Variants in CDH8 observed in about 807,000 individuals in gnomAD.
CDH8 encodes the protein cadherin 8.
CDH8 carries 17 observed loss-of-function variants against 68.1 expected under a neutral mutation model. The observed-to-expected ratio is 0.25, with a 90% confidence interval of 0.17 to 0.37. The LOEUF is 0.37. Ranked by LOEUF, CDH8 falls within the 10% of genes least tolerant of loss-of-function variation. CDH8 has a pLI of 1.00. For synonymous variants in CDH8, 372 were observed against 365.1 expected, an observed-to-expected ratio of 1.02 and a Z score of -0.21; for missense variants, 763 against 999.3, an observed-to-expected ratio of 0.76 and a Z score of 3.19.
intron 2 of CDH8, among the ~76,000 whole-genome samples, chr16:61,924,960 A>T (rs1360998258): frequency 1.3e-5 from 2 of 152,190 alleles, no homozygotes; most frequent in African/African-American, 2.4e-5. Flanking sequence ...TAATGTAAAT[A>T]TCAACCAGGT....
intron 3 of CDH8, among the ~76,000 whole-genome samples, chr16:61,868,679 T>C (rs1963301037): frequency 6.6e-6 from 1 of 152,104 alleles, no homozygotes; most frequent in African/African-American, 2.4e-5. Context: ...TGCCACTTTT[T>C]GGGGTCATGT....
At chr16:61,992,689 A>C (rs2150590651) in intron 2 of CDH8, among the ~76,000 whole-genome samples, 1 of 152,340 alleles carries the variant, frequency 6.6e-6, no homozygotes, top group African/African-American at 2.4e-5. Flanking sequence ...TTTACTAAAT[A>C]TCTTCTCAGG....
intron 3 of CDH8, among the ~76,000 whole-genome samples, chr16:61,900,134 T>C (rs1377404852): frequency 6.6e-6 from 1 of 152,008 alleles, no homozygotes; most frequent in Non-Finnish European, 1.5e-5. Context: ...ATCATATTTC[T>C]TTTTTTTATT....
chr16:61,676,359 T>C (rs1963910561), intron 10 of CDH8, among the ~76,000 whole-genome samples: 1 of 151,802 alleles, frequency 6.6e-6, no homozygotes, highest in Admixed American at 6.6e-5. Context: ...TGAATATTAG[T>C]GATAAAGAGG....
chr16:61,830,237 C>T (rs1858946728), intron 4 of CDH8, among the ~76,000 whole-genome samples: 1 of 151,628 alleles, frequency 6.6e-6, no homozygotes, highest in Non-Finnish European at 1.5e-5. Context: ...GAGATAACTC[C>T]CCTATTTTAA....
chr16:61,986,372 T>C (rs1965628657), intron 2 of CDH8, among the ~76,000 whole-genome samples: 1 of 152,202 alleles, frequency 6.6e-6, no homozygotes, highest in Admixed American at 6.5e-5. Context: ...TCCTTTTTTT[T>C]CTCTTTTGAT....
intron 2 of CDH8, among the ~76,000 whole-genome samples, chr16:62,000,335 T>C (rs1965874682): frequency 6.6e-6 from 1 of 152,150 alleles, no homozygotes; most frequent in African/African-American, 2.4e-5. Context: ...GATTGCTGGG[T>C]CAAATGGTAT....
At chr16:61,686,233 C>G (rs371421560) in intron 10 of CDH8, among the ~76,000 whole-genome samples, 29 of 152,038 alleles carry the variant, frequency 1.9e-4, no homozygotes, top group African/African-American at 6.5e-4. Flanking sequence ...GATCAATATT[C>G]GTCCAGGAAT....
chr16:61,929,075 A>AT (rs1964500482), intron 2 of CDH8, among the ~76,000 whole-genome samples: 2 of 152,012 alleles, frequency 1.3e-5, no homozygotes, highest in South Asian at 2.1e-4. Context: ...TGCCCAGCTA[A>AT]TTTTTTTGTA....
chr16:61,700,091 A>G (rs567557884), intron 10 of CDH8, among the ~76,000 whole-genome samples: 1 of 152,294 alleles, frequency 6.6e-6, no homozygotes, highest in East Asian at 1.9e-4. Flanking sequence ...TGTCTCATTA[A>G]CAGTATCTTA....
chr16:61,680,000 A>G (rs927146349), intron 10 of CDH8, among the ~76,000 whole-genome samples: 2 of 151,986 alleles, frequency 1.3e-5, no homozygotes, highest in African/African-American at 4.8e-5. Flanking sequence ...AAGTCTTCAG[A>G]TAAGGTAAAA....
At chr16:61,714,616 C>A (rs569786163) in intron 9 of CDH8, among the ~76,000 whole-genome samples, 2 of 151,516 alleles carry the variant, frequency 1.3e-5, no homozygotes, top group African/African-American at 4.8e-5. Flanking sequence ...TACTTGGAAT[C>A]GGTGCTTATT....
intron 2 of CDH8, among the ~76,000 whole-genome samples, chr16:61,927,043 C>T (rs1055620771): frequency 3.7e-4 from 56 of 152,106 alleles, no homozygotes; most frequent in African/African-American, 1.2e-3. Flanking sequence ...CATTTCTCTC[C>T]TTTTTTCATT....
At chr16:61,691,273 C>T (rs577382679) in intron 10 of CDH8, among the ~76,000 whole-genome samples, 1 of 152,022 alleles carries the variant, frequency 6.6e-6, no homozygotes, top group Non-Finnish European at 1.5e-5. Context: ...AAGGATCATA[C>T]TCATTTTGGG....
chr16:61,995,870 G>T (rs1273058548), intron 2 of CDH8, among the ~76,000 whole-genome samples: 1 of 152,112 alleles, frequency 6.6e-6, no homozygotes, highest in African/African-American at 2.4e-5. Flanking sequence ...CATCTCACCT[G>T]CCCAACTCAG....
chr16:61,800,433 C>A (rs1243961626), intron 7 of CDH8, among the ~76,000 whole-genome samples: 2 of 152,192 alleles, frequency 1.3e-5, no homozygotes, highest in South Asian at 2.1e-4. Flanking sequence ...ACAGTCTACA[C>A]CCTGTTCCTC....
chr16:61,976,722 C>T (rs1965441350), intron 2 of CDH8, among the ~76,000 whole-genome samples: 1 of 152,130 alleles, frequency 6.6e-6, no homozygotes, highest in Non-Finnish European at 1.5e-5. Context: ...GATAATTATA[C>T]TAAGAACACA....
intron 8 of CDH8, among the ~76,000 whole-genome samples, chr16:61,770,902 T>C (rs559470142): frequency 1.3e-5 from 2 of 152,032 alleles, no homozygotes; most frequent in African/African-American, 4.8e-5. Context: ...AACTCACTAA[T>C]GTTTTCTGTA....
intron 4 of CDH8, among the ~76,000 whole-genome samples, chr16:61,838,340 G>T (rs1412004174): frequency 6.6e-6 from 1 of 152,104 alleles, no homozygotes; most frequent in Non-Finnish European, 1.5e-5. Context: ...TATTTGGCAT[G>T]TGAATGCATG....
Sources: allele counts gnomAD v4.1 joint callset (sites outside exome capture counted in the v4.1 genomes callset), GRCh38; gene constraint gnomAD v4.1.1; transcripts MANE v1.5; gene names NCBI Gene and HGNC (gene_info 2026-07-23, HGNC 2026-07-21).